The following PTPRN2 variants were observed in gnomAD, a reference collection of about 807,000 sequenced individuals.
PTPRN2 encodes the protein protein tyrosine phosphatase receptor type N2.
A neutral mutation model predicts 118.8 loss-of-function variants in PTPRN2; 74 were observed. The observed-to-expected ratio is 0.62, with a 90% confidence interval of 0.52 to 0.76. The LOEUF (loss-of-function observed/expected upper bound fraction) is 0.76. Among genes scored for constraint, PTPRN2 ranks in the 30% least tolerant of loss-of-function variants. The probability of loss-of-function intolerance (pLI) is 0.00; values close to 1 mark genes in which losing one functional copy is unlikely to be tolerated. For missense variants in PTPRN2, 1,481 were observed against 1,394.4 expected, an observed-to-expected ratio of 1.06 and a Z score of -0.99; for synonymous variants, 641 against 608.0, an observed-to-expected ratio of 1.05 and a Z score of -0.80.
Position 158,528,233 on chromosome 7 carries a change from A to C in PTPRN2, c.113-38448T>G, listed in dbSNP as rs79850828. ...GGCTCCCGAGAAGGTGCACTCATAC[A>C]GTGTGGTGGGGGTACCCGTGCTTGG... is the stretch of plus-strand genomic sequence containing the variant. On this transcript the variant is annotated intron_variant, in intron 1 of 22. Transcript: ENST00000389418. Among the ~76,000 whole-genome samples the C allele has an allele frequency of 4.1e-4, 63 of 152,234 alleles. 3 individuals are homozygous for C. The South Asian group carries it at 4.4e-3, about 11-fold the overall frequency.
chr7:157,886,871 G>A (rs924735994), intron 12 of PTPRN2, among the ~76,000 whole-genome samples: 39 of 148,080 alleles, frequency 2.6e-4, no homozygotes, highest in African/African-American at 4.5e-4. Flanking sequence ...AGCCCACCAC[G>A]GTGGGGCTGT....
In PTPRN2 at chr7:158,529,051, G is replaced by C. The variant is rs1223985015; in HGVS notation, c.113-39266C>G. Among the ~76,000 whole-genome samples the C allele has an allele frequency of 1.3e-5, 2 of 151,894 alleles. No individual in the cohort carries two copies. The highest frequency in any genetic ancestry group is 2.9e-5 in the Non-Finnish European group (2 of 68,024). ...AGGGGCTTTGGGATCACACAGCCAGGGGCAAATCTCAGCTCTGCAGCCTGA... is the reference window on the plus strand; with the variant it reads ...AGGGGCTTTGGGATCACACAGCCAGCGGCAAATCTCAGCTCTGCAGCCTGA... On this transcript the variant is annotated intron_variant, in intron 1 of 22. Coordinates refer to ENST00000389418, the MANE Select transcript of PTPRN2 (RefSeq NM_002847.5). This position sits in a 1 kb window ranked among gnomAD's most constrained non-coding sequence, Gnocchi z 4.7.
At chr7:158,149,530 G>A (rs546586459) in intron 6 of PTPRN2, among the ~76,000 whole-genome samples, 224 of 152,250 alleles carry the variant, frequency 1.5e-3, no homozygotes, top group South Asian at 8.3e-3. Flanking sequence ...CCGGCTGGGC[G>A]CAGTGGCTCA....
intron 11 of PTPRN2, among the ~76,000 whole-genome samples, chr7:158,043,954 T>C (rs1228710008): frequency 6.6e-6 from 1 of 152,226 alleles, no homozygotes; most frequent in Non-Finnish European, 1.5e-5. Context: ...GCTGACCACG[T>C]CACTCGACGT....
At chr7:158,401,750 A>T (rs1812965778) in intron 2 of PTPRN2, among the ~76,000 whole-genome samples, 1 of 152,260 alleles carries the variant, frequency 6.6e-6, no homozygotes, top group Admixed American at 6.5e-5. Flanking sequence ...AAAGGAAAAC[A>T]AAAGGACGAA....
chr7:158,566,323 C>A (rs1827672028), intron 1 of PTPRN2, among the ~76,000 whole-genome samples: 1 of 151,764 alleles, frequency 6.6e-6, no homozygotes, highest in Non-Finnish European at 1.5e-5. Context: ...CATTGCACTC[C>A]AGCCTGGGTG....
chr7:158,556,382 C>G (rs186098139), intron 1 of PTPRN2, among the ~76,000 whole-genome samples: 1 of 151,906 alleles, frequency 6.6e-6, no homozygotes, highest in Non-Finnish European at 1.5e-5. Context: ...AGTGAAACTA[C>G]GTCTCTACTA....
intron 3 of PTPRN2, among the ~76,000 whole-genome samples, chr7:158,300,121 G>A (rs57470757): frequency 1.3e-5 from 2 of 152,168 alleles, no homozygotes; most frequent in Non-Finnish European, 2.9e-5. Flanking sequence ...TTGAACCACA[G>A]AGAATGCCTC....
chr7:157,613,163 T>C (rs1372753469), intron 15 of PTPRN2, among the ~76,000 whole-genome samples: 1 of 152,122 alleles, frequency 6.6e-6, no homozygotes, highest in African/African-American at 2.4e-5. Context: ...AGAACCTCGG[T>C]GGTTCCTTCA....
intron 12 of PTPRN2, among the ~76,000 whole-genome samples, chr7:157,781,438 A>G (rs1377801011): frequency 6.6e-6 from 1 of 152,150 alleles, no homozygotes; most frequent in Non-Finnish European, 1.5e-5. Flanking sequence ...TGCAGCAAAC[A>G]CCATCGAATC....
intron 10 of PTPRN2, among the ~76,000 whole-genome samples, chr7:158,102,007 C>G (rs1382970125): frequency 6.6e-6 from 1 of 152,182 alleles, no homozygotes; most frequent in African/African-American, 2.4e-5. Context: ...GAGCTTGCAG[C>G]TGACCCTGGG....
chr7:158,283,311 CAAGAG>C (rs1486562465), intron 3 of PTPRN2, among the ~76,000 whole-genome samples: 1 of 152,200 alleles, frequency 6.6e-6, no homozygotes, highest in East Asian at 1.9e-4. Context: ...CCCAGACCCC[CAAGAG>C]GAGAGGGAGC....
rs116937137 is a variant in PTPRN2, at chr7:158,226,564, A to G, written c.278-21291T>C. Among the ~76,000 whole-genome samples the G allele has an allele frequency of 0.012, 1,825 of 152,240 alleles. 92 individuals are homozygous for G. The East Asian group carries it at 0.17, about 14-fold the overall frequency. ...GGCAGAGCAAGTGGTGGCAGCGTGC[A>G]TGGTGGTCCCGGCTTGCATGCAACA... is the stretch of plus-strand genomic sequence containing the variant. On this transcript the variant is annotated intron_variant, in intron 3 of 22. Transcript: ENST00000389418.
chr7:158,230,112 A>G (rs1159051771), intron 3 of PTPRN2, among the ~76,000 whole-genome samples: 2 of 150,370 alleles, frequency 1.3e-5, no homozygotes, highest in Non-Finnish European at 3.0e-5. Flanking sequence ...CTGGAAGGAG[A>G]AAAAAATGAA....
intron 16 of PTPRN2, 139 bp from the exon 17 acceptor site, chr7:157,595,454 A>C: frequency 1.4e-6 from 1 of 729,070 alleles, no homozygotes. Flanking sequence ...CCCGGAGGTT[A>C]GGAAACCTGG....
chr7:158,567,737 T>C (rs1159315837), intron 1 of PTPRN2, among the ~76,000 whole-genome samples: 2 of 152,052 alleles, frequency 1.3e-5, no homozygotes. Context: ...GGAGAGAACA[T>C]CAAGCCCAGT....
Position 158,167,165 on chromosome 7 carries a change from G to T in PTPRN2, c.676C>A (p.Pro226Thr). ...TCCACCTTAGGGCTGAGCTCATCTG[G>T]CTGGAGCTGGCCGAGGGTCCGCGGC... ...LLPRTLGQLQ[P>T]DELSPKVDSG... The change falls in exon 6 of 23, where the codon CCA (proline) becomes ACA (threonine). Residue 226 changes from proline (P) to threonine (T), a missense_variant. By Grantham distance (38) the Pro-to-Thr change is conservative (BLOSUM62 -1). Transcript: ENST00000389418. 1 of 1,613,914 alleles carries T rather than the reference G, an allele frequency of 6.2e-7. No homozygotes were observed. Among genetic ancestry groups the T allele is most frequent in the Non-Finnish European group, 8.5e-7 (1 of 1,179,980 alleles).
intron 17 of PTPRN2, among the ~76,000 whole-genome samples, chr7:157,586,977 T>G (rs1800710599): frequency 1.3e-5 from 2 of 152,186 alleles, no homozygotes; most frequent in South Asian, 4.1e-4. Context: ...TGAGGTTTGG[T>G]TGCTGGTGGT....
intron 14 of PTPRN2, among the ~76,000 whole-genome samples, chr7:157,638,582 T>C (rs749770359): frequency 1.4e-4 from 22 of 152,214 alleles, no homozygotes; most frequent in Non-Finnish European, 2.5e-4. Context: ...TGTCAAACAG[T>C]GTTTTCACTT....
Sources: gnomAD v4.1 joint callset for allele counts (sites outside exome capture counted in the v4.1 genomes callset) on GRCh38, gnomAD v4.1.1 for gene constraint, Gnocchi (gnomAD v3.1) non-coding constraint, MANE v1.5 for transcripts, NCBI Gene and HGNC (gene_info 2026-07-23, HGNC 2026-07-21) for gene names.